TRIO: variants seen among roughly 807,000 people sequenced by gnomAD.
The protein encoded by TRIO is trio Rho guanine nucleotide exchange factor, also known as triple functional domain protein.
Under a neutral mutation model 351.9 loss-of-function variants are expected in TRIO, and 58 were observed. The observed-to-expected ratio is 0.16, with a 90% CI of 0.13 to 0.21. The LOEUF (loss-of-function observed/expected upper bound fraction) is 0.21, where lower values mean the gene tolerates loss of function less well. TRIO is among the 10% of genes least tolerant of loss of function. TRIO has a pLI of 1.00. For synonymous variants in TRIO, 1,758 were observed against 1,595.7 expected (o/e 1.10, Z -2.42); for missense variants, 3,201 against 4,027.8 (o/e 0.79, Z 5.56).
At chr5:14,231,013 G>C (rs565166937) in intron 1 of TRIO, among the ~76,000 whole-genome samples, 10 of 152,294 alleles carry the variant, frequency 6.6e-5, no homozygotes, top group Admixed American at 6.5e-4. Flanking sequence ...ACTTGCCAAT[G>C]CCTAGTTCTT....
At chr5:14,439,119 G>A (rs32694) in intron 34 of TRIO, among the ~76,000 whole-genome samples, 23,766 of 152,154 alleles carry the variant, frequency 0.16, 1,953 homozygotes, top group Middle Eastern at 0.26. Flanking sequence ...GGGTTCAAGC[G>A]ATTCTCCTGC....
intron 2 of TRIO, among the ~76,000 whole-genome samples, chr5:14,278,111 G>A (rs969203438): frequency 2.6e-5 from 4 of 152,206 alleles, no homozygotes; most frequent in African/African-American, 9.6e-5. Flanking sequence ...CGCCTAAGCA[G>A]ATGAACTTGG....
intron 33 of TRIO, chr5:14,418,844 T>G (rs968779291): frequency 2.0e-5 from 3 of 152,342 alleles, no homozygotes; most frequent in African/African-American, 7.2e-5. Context: ...GGAGGGATGT[T>G]AATGAGCGCA....
chr5:14,256,664 CTT>C (rs1795038173), intron 1 of TRIO, among the ~76,000 whole-genome samples: 1 of 152,166 alleles, frequency 6.6e-6, no homozygotes, highest in Admixed American at 6.5e-5. Context: ...ATTAAAAAGC[CTT>C]TTTGTTTTAC....
intron 38 of TRIO, among the ~76,000 whole-genome samples, chr5:14,472,272 C>G (rs1002682554): frequency 2.6e-5 from 4 of 152,210 alleles, no homozygotes; most frequent in African/African-American, 7.2e-5. Context: ...AAGCCACTTC[C>G]TTTACTATCA....
intron 11 of TRIO, among the ~76,000 whole-genome samples, chr5:14,339,243 A>C (rs554556549): frequency 6.6e-6 from 1 of 152,298 alleles, no homozygotes; most frequent in African/African-American, 2.4e-5. Context: ...TCTCAAACAC[A>C]GAAACAAAGC....
At chr5:14,200,363 C>A (rs1791033478) in intron 1 of TRIO, among the ~76,000 whole-genome samples, 1 of 152,232 alleles carries the variant, frequency 6.6e-6, no homozygotes, top group Admixed American at 6.5e-5. Flanking sequence ...TTCCACCATC[C>A]TGTCCTTTGT....
chr5:14,406,687 G>A lies in TRIO; in HGVS notation c.4959+15G>A. 6.2e-7 allele frequency: 1 copy of A among 1,612,624 alleles called. No individual in the cohort carries two copies. Among genetic ancestry groups the A allele is most frequent in the Middle Eastern group, 1.7e-4 (1 of 6,016 alleles). Reference sequence around the variant, plus strand: ...ACAGCGATAAGGTGAGTCACTGCCGGCACTTTGTGTGCGGAGGGGAATGTG... The same window carrying A: ...ACAGCGATAAGGTGAGTCACTGCCGACACTTTGTGTGCGGAGGGGAATGTG... On this transcript the variant is annotated intron_variant, in intron 33 of 56. Coordinates refer to ENST00000344204, the MANE Select transcript of TRIO (RefSeq NM_007118.4).
At chr5:14,175,777 G>A (rs1157342259) in intron 1 of TRIO, among the ~76,000 whole-genome samples, 1 of 152,232 alleles carries the variant, frequency 6.6e-6, no homozygotes, top group Admixed American at 6.5e-5. Context: ...CATGCATTTA[G>A]TGAGAGCTCC....
intron 9 of TRIO, among the ~76,000 whole-genome samples, chr5:14,319,327 A>G (rs1303654331): frequency 1.3e-5 from 2 of 152,220 alleles, no homozygotes; most frequent in Non-Finnish European, 2.9e-5. Context: ...GTAGGCTTTG[A>G]CTTGTGAGGT....
At chr5:14,256,937 G>C (rs956277210) in intron 1 of TRIO, among the ~76,000 whole-genome samples, 2 of 152,216 alleles carry the variant, frequency 1.3e-5, no homozygotes, top group African/African-American at 4.8e-5. Flanking sequence ...GTGGGCCAAG[G>C]GTGTGGCACC....
chr5:14,488,082 T>C lies in TRIO; in HGVS notation c.7454T>C (p.Phe2485Ser). 1.2e-6 allele frequency: 2 copies of C among 1,609,450 alleles called. No homozygotes were observed. Among genetic ancestry groups the C allele is most frequent in the South Asian group, 1.1e-5 (1 of 90,834 alleles). ...AGCCCCCTGCAGAAGGGGGGCTCCT[T>C]CTGGAGCTCCATCCCCGCCTCCCCC... Reference protein sequence around the residue: ...PSSPLQKGGSFWSSIPASPAS... With the variant: ...PSSPLQKGGSSWSSIPASPAS... Residue 2485 changes from phenylalanine (F) to serine (S), a missense_variant, in exon 48 of 57, where the codon TTC (phenylalanine) becomes TCC (serine). By Grantham distance (155) the Phe-to-Ser change is radical. This residue lies in a region of TRIO where 1,089 missense variants were observed against 954.9 expected (regional missense o/e 1.14). Transcript: ENST00000344204.
At chr5:14,266,580 G>A (rs1163822930) in intron 1 of TRIO, among the ~76,000 whole-genome samples, 4 of 152,158 alleles carry the variant, frequency 2.6e-5, no homozygotes, top group Non-Finnish European at 5.9e-5. Context: ...TAATTTAAAA[G>A]GTGGTAACAG....
chr5:14,282,230 T>A (rs566363884), intron 3 of TRIO, among the ~76,000 whole-genome samples: 5 of 152,300 alleles, frequency 3.3e-5, no homozygotes, highest in African/African-American at 1.2e-4. Flanking sequence ...TTATTTATAC[T>A]CACTATCATT....
At chr5:14,243,667 A>G (rs1238898699) in intron 1 of TRIO, among the ~76,000 whole-genome samples, 1 of 152,202 alleles carries the variant, frequency 6.6e-6, no homozygotes, top group African/African-American at 2.4e-5. Flanking sequence ...TGTTTTCCTC[A>G]TACATTTATA....
chr5:14,239,271 C>G (rs1793983660), intron 1 of TRIO, among the ~76,000 whole-genome samples: 1 of 151,800 alleles, frequency 6.6e-6, no homozygotes, highest in Non-Finnish European at 1.5e-5. Context: ...TCAACCTCCC[C>G]TCCCCCCCAT....
At chr5:14,312,123 C>G (rs1393869392) in intron 8 of TRIO, among the ~76,000 whole-genome samples, 2 of 152,176 alleles carry the variant, frequency 1.3e-5, no homozygotes, top group Admixed American at 6.5e-5. Flanking sequence ...CAGCCCTCAT[C>G]TGATTTTACA....
chr5:14,353,799 C>CTGT (rs1194676726), intron 11 of TRIO, among the ~76,000 whole-genome samples: 1 of 152,200 alleles, frequency 6.6e-6, no homozygotes. Flanking sequence ...AACTCTTAGG[C>CTGT]TGTTGCAGTG....
chr5:14,391,034 G>A lies in TRIO; in HGVS notation c.4218+44G>A, dbSNP rs758515974. On this transcript the variant is annotated intron_variant, in intron 27 of 56. Transcript: ENST00000344204. Reference sequence around the variant, plus strand: ...AAGAGACCATAATTTTCCAAGTTGTGTACATAAAATGCGGCATTACTCATA... The same window carrying A: ...AAGAGACCATAATTTTCCAAGTTGTATACATAAAATGCGGCATTACTCATA... 8 of 1,494,012 alleles carry A rather than the reference G, an allele frequency of 5.4e-6. No individual in the cohort carries two copies. The Admixed American group carries it at 1.6e-4, about 29-fold the overall frequency. 92.5% of individuals were successfully genotyped at this position (1,494,012 alleles called of 1,614,324 possible). A position where few individuals can be genotyped will look rare whatever the true frequency, so the allele number is the denominator to read the frequency against.
Sources: allele counts gnomAD v4.1 joint callset (sites outside exome capture counted in the v4.1 genomes callset), GRCh38; gene constraint gnomAD v4.1.1; regional missense constraint gnomAD v4.1.1; transcripts MANE v1.5; gene names NCBI Gene and HGNC (gene_info 2026-07-23, HGNC 2026-07-21).